DHX8: variants seen among roughly 807,000 people sequenced by gnomAD.
DHX8 encodes ATP-dependent RNA helicase DHX8.
DHX8 carries 67 observed loss-of-function variants against 140.7 expected under a neutral mutation model. The ratio of observed to expected loss-of-function variants is 0.48; its 90% CI spans 0.39 to 0.58. The LOEUF (loss-of-function observed/expected upper bound fraction) is 0.58. Among genes scored for constraint, DHX8 ranks in the 20% least tolerant of loss-of-function variants. DHX8 has a pLI of 0.00. For missense variants in DHX8, 887 were observed against 1,550.7 expected, an observed-to-expected ratio of 0.57 and a Z score of 7.19; for synonymous variants, 533 against 553.2, an observed-to-expected ratio of 0.96 and a Z score of 0.51.
At chr17:43,543,868 G>A (rs1296328798) in intron 3 of DHX8, 1 of 152,038 alleles carries the variant, frequency 6.6e-6, no homozygotes, top group African/African-American at 2.4e-5. Context: ...TATCATAGTG[G>A]GCAAGACAGA....
chr17:43,513,327 G>T (rs571276976), intron 16 of DHX8, 35 bp from the exon 17 acceptor site: 5 of 1,606,130 alleles, frequency 3.1e-6, no homozygotes, highest in African/African-American at 1.3e-5. Flanking sequence ...CTGAGCCTGG[G>T]CACCTCACTC....
chr17:43,502,752 A>T (rs1029597407), intron 11 of DHX8, among the ~76,000 whole-genome samples: 1 of 152,180 alleles, frequency 6.6e-6, no homozygotes, highest in Non-Finnish European at 1.5e-5. Context: ...TTAAATTTTT[A>T]AAAACGACAA....
At chr17:43,519,611 A>G in intron 18 of DHX8, 1 of 151,818 alleles carries the variant, frequency 6.6e-6, no homozygotes, top group Non-Finnish European at 1.5e-5. Flanking sequence ...TTGGCCTCCC[A>G]AACTGCTGAG....
chr17:43,492,913 C>A lies in DHX8; in HGVS notation c.736C>A (p.Leu246Met). The change falls in exon 6 of 23, where the codon CTG becomes ATG. Residue 246 changes from leucine to methionine, a missense_variant. Coordinates refer to ENST00000262415, the MANE Select transcript of DHX8 (RefSeq NM_004941.3). ...KDRDKYGERNLDRWRDKHVDR... is the reference protein window; with the variant it reads ...KDRDKYGERNMDRWRDKHVDR... The stretch of plus-strand genomic sequence containing the variant: ...CCGGGACAAATATGGAGAGCGGAAT[C>A]TGGATAGATGGCGGGATAAGCATGT... 6.2e-7 allele frequency: 1 copy of A among 1,614,242 alleles called. No individual in the cohort carries two copies. The highest frequency in any genetic ancestry group is 8.5e-7 in the Non-Finnish European group (1 of 1,180,044).
At chr17:43,484,653 C>CT (rs912614451) in intron 1 of DHX8, among the ~76,000 whole-genome samples, 5 of 152,118 alleles carry the variant, frequency 3.3e-5, no homozygotes, top group Non-Finnish European at 5.9e-5. Flanking sequence ...ATCCTGTACT[C>CT]TTTTTTGAGG....
chr17:43,530,052 C>T (rs1970821838), downstream of DHX8: 1 of 1,610,632 alleles, frequency 6.2e-7, no homozygotes. Context: ...TCCCCCATGG[C>T]AGCGCTCCCT....
chr17:43,525,888 T>A, downstream of DHX8: 1 of 968,000 alleles, frequency 1.0e-6, no homozygotes, highest in Non-Finnish European at 1.2e-6. Context: ...GAGGGAGGGT[T>A]GGGTTTCAAG....
intron 20 of DHX8, 86 bp downstream of exon 20, chr17:43,520,965 T>TG (rs1970347246): frequency 6.0e-6 from 1 of 165,950 alleles, no homozygotes; most frequent in Non-Finnish European, 8.6e-6. Flanking sequence ...TGATGTGGAC[T>TG]TTTTTTTTTT....
At chr17:43,526,685 C>T, downstream of DHX8, 1 of 1,517,440 alleles carries the variant, frequency 6.6e-7, no homozygotes, top group South Asian at 1.2e-5. Context: ...AACTCCCTCT[C>T]TCTTCGTGTG....
intron 9 of DHX8, 68 bp downstream of exon 9, chr17:43,496,336 T>A: frequency 2.7e-6 from 3 of 1,118,864 alleles, no homozygotes; most frequent in Non-Finnish European, 4.1e-6. Flanking sequence ...GATTTGCCTG[T>A]AGTTTAACCC....
chr17:43,532,066 C>A (rs999511320), intron 2 of DHX8, among the ~76,000 whole-genome samples: 3 of 152,216 alleles, frequency 2.0e-5, no homozygotes, highest in Non-Finnish European at 4.4e-5. Flanking sequence ...CACTTTGTTG[C>A]CTAAGCTGGC....
chr17:43,521,671 G>T, intron 21 of DHX8, 106 bp downstream of exon 21: 1 of 1,075,470 alleles, frequency 9.3e-7, no homozygotes, highest in East Asian at 2.4e-5. Context: ...CTTTTCTCTT[G>T]CTCCTCACAT....
At chr17:43,492,123 G>C in intron 4 of DHX8, 60 bp from the exon 5 acceptor site, 1 of 1,129,266 alleles carries the variant, frequency 8.9e-7, no homozygotes, top group Non-Finnish European at 1.4e-6. Context: ...ATGTACCTGA[G>C]GTACATACAG....
chr17:43,536,876 G>A (rs981090559), intron 3 of DHX8, among the ~76,000 whole-genome samples: 1 of 152,234 alleles, frequency 6.6e-6, no homozygotes, highest in African/African-American at 2.4e-5. Context: ...AGACCCAGGA[G>A]GGAAGACTGT....
intron 2 of DHX8, chr17:43,533,489 C>T: frequency 1.2e-6 from 1 of 814,828 alleles, no homozygotes; most frequent in South Asian, 1.8e-5. Flanking sequence ...CGGCAGGAGC[C>T]ACAGACTCAG....
downstream of DHX8, chr17:43,530,359 G>A: frequency 1.4e-6 from 2 of 1,459,534 alleles, no homozygotes; most frequent in Non-Finnish European, 1.8e-6. Context: ...CCCAGAGGGA[G>A]TGTGATGCTG....
At chr17:43,492,618 T>G in intron 5 of DHX8, 63 bp from the exon 6 acceptor site, 1 of 971,658 alleles carries the variant, frequency 1.0e-6, no homozygotes, top group Non-Finnish European at 1.6e-6. Context: ...ACTGGGTGCT[T>G]GGGGATGCGA....
intron 16 of DHX8, among the ~76,000 whole-genome samples, chr17:43,511,216 GCTA>G (rs1351213618): frequency 6.6e-6 from 1 of 152,012 alleles, no homozygotes; most frequent in East Asian, 1.9e-4. Context: ...TGTAATCCCA[GCTA>G]CCTGGGAGGC....
intron 16 of DHX8, 118 bp from the exon 17 acceptor site, chr17:43,513,244 T>C (rs879263541): frequency 1.7e-6 from 2 of 1,147,806 alleles, no homozygotes; most frequent in Non-Finnish European, 2.4e-6. Context: ...ATTTTAACCG[T>C]CTAGAGAGAG....
Sources: allele counts gnomAD v4.1 joint callset (sites outside exome capture counted in the v4.1 genomes callset), GRCh38; gene constraint gnomAD v4.1.1; transcripts MANE v1.5; gene names NCBI Gene and HGNC (gene_info 2026-07-23, HGNC 2026-07-21).